The following NELL1 variants were observed in gnomAD, a reference collection of about 807,000 sequenced individuals.
The protein encoded by NELL1 is protein kinase C-binding protein NELL1.
Under a neutral mutation model 107.4 loss-of-function variants are expected in NELL1, and 76 were observed. The ratio of observed to expected loss-of-function variants is 0.71; its 90% confidence interval spans 0.59 to 0.86. The LOEUF is 0.86. Ranked by LOEUF, NELL1 falls within the 40% of genes least tolerant of loss-of-function variation. The pLI is 0.00. For synonymous variants in NELL1, 353 were observed against 341.2 expected, an observed-to-expected ratio of 1.03 and a Z score of -0.38; for missense variants, 1,024 against 1,005.5, an observed-to-expected ratio of 1.02 and a Z score of -0.25.
At chr11:21,364,093 A>T (rs1809766326) in intron 14 of NELL1, among the ~76,000 whole-genome samples, 1 of 152,194 alleles carries the variant, frequency 6.6e-6, no homozygotes, top group South Asian at 2.1e-4. Flanking sequence ...GCAACATCTC[A>T]ATTTGAAGAT....
chr11:20,804,252 T>C (rs960141519), intron 3 of NELL1, among the ~76,000 whole-genome samples: 32 of 152,168 alleles, frequency 2.1e-4, no homozygotes, highest in Non-Finnish European at 4.6e-4. Context: ...TTATCCATTT[T>C]TGAGATGGAG....
intron 14 of NELL1, among the ~76,000 whole-genome samples, chr11:21,231,432 C>A (rs1858047339): frequency 1.3e-5 from 2 of 152,064 alleles, no homozygotes. Flanking sequence ...TAGTGCTCAG[C>A]TTTTTTAAAA....
At chr11:21,522,751 T>G (rs2133957725) in intron 15 of NELL1, among the ~76,000 whole-genome samples, 1 of 152,246 alleles carries the variant, frequency 6.6e-6, no homozygotes, top group Admixed American at 6.5e-5. Context: ...GTGTTATATC[T>G]TCTTGGCCAA....
At chr11:20,987,818 C>G (rs1156449809) in intron 12 of NELL1, among the ~76,000 whole-genome samples, 2 of 152,002 alleles carry the variant, frequency 1.3e-5, no homozygotes, top group Non-Finnish European at 2.9e-5. Context: ...GCTCTGAGAA[C>G]AAATTAATAT....
intron 14 of NELL1, among the ~76,000 whole-genome samples, chr11:21,313,780 A>G (rs948912593): frequency 2.0e-5 from 3 of 152,052 alleles, no homozygotes; most frequent in Non-Finnish European, 2.9e-5. Flanking sequence ...TAACCCATTA[A>G]TCCATTACTT....
At chr11:20,808,866 C>T (rs1857440798) in intron 3 of NELL1, among the ~76,000 whole-genome samples, 1 of 152,146 alleles carries the variant, frequency 6.6e-6, no homozygotes, top group Admixed American at 6.6e-5. Context: ...CTGCTGGGGG[C>T]TGAGGGAGGG....
At chr11:21,283,575 A>T (rs911097220) in intron 14 of NELL1, 2 of 152,770 alleles carry the variant, frequency 1.3e-5, no homozygotes, top group South Asian at 4.1e-4. Context: ...AAATAGTTGT[A>T]TTTTCTACTA....
In NELL1 at chr11:21,370,797, C is replaced by T. The variant is rs191489476; in HGVS notation, c.1550-56C>T. The T allele has an allele frequency of 2.7e-4, 369 of 1,375,480 alleles. 3 individuals are homozygous for T. In the Admixed American group the frequency reaches 3.7e-3, roughly 14 times the overall value. The allele number at this position is 1,375,480 out of a possible 1,614,324, so 85.2% of individuals were successfully genotyped here. A position where few individuals can be genotyped will look rare whatever the true frequency, so the allele number is the denominator to read the frequency against. On this transcript the variant is annotated intron_variant, in intron 14 of 19. Transcript: ENST00000357134. ...TTGCTTCAGTGCTCCTGCTGTTTAC[C>T]GTGAATTTATCTATTGCATTTTATC... is the stretch of plus-strand genomic sequence containing the variant.
chr11:21,206,442 G>C (rs975697756), intron 13 of NELL1, among the ~76,000 whole-genome samples: 5 of 152,100 alleles, frequency 3.3e-5, no homozygotes, highest in Admixed American at 1.3e-4. Flanking sequence ...CACATTCAGA[G>C]GTTCTTGGTG....
chr11:20,722,471 A>C (rs1855414821), intron 2 of NELL1, among the ~76,000 whole-genome samples: 1 of 152,228 alleles, frequency 6.6e-6, no homozygotes, highest in Non-Finnish European at 1.5e-5. Context: ...ACATTGAGAT[A>C]ATACTAGTAC....
intron 12 of NELL1, among the ~76,000 whole-genome samples, chr11:21,074,602 TAA>T (rs1313319171): frequency 6.6e-6 from 1 of 152,102 alleles, no homozygotes; most frequent in African/African-American, 2.4e-5. Context: ...TTGTGATGTT[TAA>T]AAAAATTATA....
At chr11:21,009,216 C>T (rs749231373) in intron 12 of NELL1, among the ~76,000 whole-genome samples, 1 of 152,152 alleles carries the variant, frequency 6.6e-6, no homozygotes, top group Non-Finnish European at 1.5e-5. Context: ...GAGCATTCTC[C>T]TCGGCATTGA....
At position 21,232,179 on chromosome 11, in the gene NELL1, A is replaced by ATATATATATATATATAT. The variant is rs1565122814; in HGVS notation, c.1549+2725_1549+2726insTATATATATATATATAT. On this transcript the variant is annotated intron_variant, in intron 14 of 19. Transcript: ENST00000357134. ...AAAAAAATATATATATATATATATA[A>ATATATATATATATATAT]ATTAGCTGGGCGTGGTGGTGTCCAC... Among the ~76,000 whole-genome samples the ATATATATATATATATAT allele has an allele frequency of 1.3e-3, 149 of 111,488 alleles. 3 individuals carry two copies. Among genetic ancestry groups the ATATATATATATATATAT allele is most frequent in the Middle Eastern group, 9.5e-3 (2 of 210 alleles). 73.1% of individuals were successfully genotyped at this position (111,488 alleles called of 152,430 possible).
At chr11:20,993,296 A>G (rs1453737809) in intron 12 of NELL1, among the ~76,000 whole-genome samples, 3 of 152,088 alleles carry the variant, frequency 2.0e-5, no homozygotes, top group Non-Finnish European at 4.4e-5. Flanking sequence ...ATTCACCACA[A>G]TGGGTTCCTT....
At chr11:21,439,313 C>G (rs1853216668) in intron 15 of NELL1, among the ~76,000 whole-genome samples, 1 of 152,120 alleles carries the variant, frequency 6.6e-6, no homozygotes, top group Non-Finnish European at 1.5e-5. Flanking sequence ...CAGAGAAGGA[C>G]AAGACAGATT....
At chr11:21,249,179 C>G (rs1373720685) in intron 14 of NELL1, among the ~76,000 whole-genome samples, 1 of 152,112 alleles carries the variant, frequency 6.6e-6, no homozygotes, top group Non-Finnish European at 1.5e-5. Context: ...CCTTCATATC[C>G]TAATGGGAAA....
At chr11:21,489,157 A>G (rs780594666) in intron 15 of NELL1, among the ~76,000 whole-genome samples, 6 of 151,898 alleles carry the variant, frequency 4.0e-5, no homozygotes, top group Admixed American at 6.6e-5. Flanking sequence ...ACAGTTATAC[A>G]CTAACAAACC....
intron 13 of NELL1, among the ~76,000 whole-genome samples, chr11:21,191,568 A>G (rs999450777): frequency 6.6e-6 from 1 of 151,936 alleles, no homozygotes; most frequent in Non-Finnish European, 1.5e-5. Context: ...TTGTTACAGC[A>G]GCAATAGGAA....
chr11:21,011,359 T>C (rs971130607), intron 12 of NELL1, among the ~76,000 whole-genome samples: 6 of 152,018 alleles, frequency 3.9e-5, no homozygotes, highest in Non-Finnish European at 8.8e-5. Flanking sequence ...TTATTAGTGA[T>C]CAACACCTAT....
Sources: allele counts gnomAD v4.1 joint callset (sites outside exome capture counted in the v4.1 genomes callset), GRCh38; gene constraint gnomAD v4.1.1; transcripts MANE v1.5; gene names NCBI Gene and HGNC (gene_info 2026-07-23, HGNC 2026-07-21).